MFSD8: variants seen among roughly 807,000 people sequenced by gnomAD.
MFSD8 encodes the protein major facilitator superfamily domain containing 8, also known as major facilitator superfamily domain-containing protein 8.
In MFSD8, 55 loss-of-function variants were observed where a neutral mutation model predicts 66.4. The ratio of observed to expected loss-of-function variants is 0.83; its 90% CI spans 0.67 to 1.04. The LOEUF is 1.04. Ranked by LOEUF, MFSD8 falls within the 50% of genes least tolerant of loss-of-function variation. The probability of loss-of-function intolerance (pLI) is 0.00; values close to 1 mark genes in which losing one functional copy is unlikely to be tolerated. For synonymous variants in MFSD8, 202 were observed against 212.8 expected (o/e 0.95, Z 0.44); for missense variants, 550 against 627.6 (o/e 0.88, Z 1.32).
chr4:127,929,148 G>A (rs1423947265), intron 9 of MFSD8, among the ~76,000 whole-genome samples: 4 of 150,562 alleles, frequency 2.7e-5, no homozygotes, highest in East Asian at 1.9e-4. Flanking sequence ...GGTGAAATCC[G>A]TCTGTACTAA....
chr4:127,954,649 A>G (rs1413856208), intron 2 of MFSD8, among the ~76,000 whole-genome samples: 4 of 152,232 alleles, frequency 2.6e-5, no homozygotes, highest in African/African-American at 9.6e-5. Flanking sequence ...GGACTACATC[A>G]GTATTTAACA....
At chr4:127,954,149 T>C (rs1460819365) in intron 2 of MFSD8, among the ~76,000 whole-genome samples, 1 of 152,216 alleles carries the variant, frequency 6.6e-6, no homozygotes, top group Non-Finnish European at 1.5e-5. Context: ...AACATGGTTA[T>C]AGATGTTTAA....
upstream of MFSD8, chr4:127,965,245 G>T: frequency 1.5e-6 from 2 of 1,347,564 alleles, no homozygotes; most frequent in Non-Finnish European, 2.1e-6. Context: ...GTGCGCACCT[G>T]ACGGTCAGAC....
intron 9 of MFSD8, among the ~76,000 whole-genome samples, chr4:127,923,202 T>C (rs893655547): frequency 1.3e-5 from 2 of 152,194 alleles, no homozygotes; most frequent in African/African-American, 2.4e-5. Context: ...CCTTGTCTTG[T>C]GCCGGTTTTC....
chr4:127,925,068 T>G (rs1179424690), intron 9 of MFSD8, among the ~76,000 whole-genome samples: 1 of 152,154 alleles, frequency 6.6e-6, no homozygotes, highest in Non-Finnish European at 1.5e-5. Context: ...GGCCCCTTCT[T>G]TATACCTTAT....
chr4:127,937,000 A>G (rs1189870704), intron 7 of MFSD8, among the ~76,000 whole-genome samples: 1 of 152,180 alleles, frequency 6.6e-6, no homozygotes, highest in Non-Finnish European at 1.5e-5. Context: ...TTACCTTTGA[A>G]AAAAGGAGTT....
intron 1 of MFSD8, among the ~76,000 whole-genome samples, chr4:127,962,692 A>C (rs1743999165): frequency 6.6e-6 from 1 of 152,120 alleles, no homozygotes; most frequent in African/African-American, 2.4e-5. Flanking sequence ...AAAGTATAGC[A>C]GTGTAAAATA....
intron 2 of MFSD8, among the ~76,000 whole-genome samples, chr4:127,951,578 C>T (rs1467993539): frequency 6.6e-6 from 1 of 152,080 alleles, no homozygotes; most frequent in Non-Finnish European, 1.5e-5. Context: ...AACTCTATAC[C>T]CTTCAGCTAT....
intron 4 of MFSD8, among the ~76,000 whole-genome samples, chr4:127,942,899 T>C (rs1740434617): frequency 1.3e-5 from 2 of 152,190 alleles, no homozygotes; most frequent in Admixed American, 6.5e-5. Context: ...AGGATATTTT[T>C]AAAGTATCAT....
chr4:127,954,942 C>A (rs1170041288), intron 2 of MFSD8, among the ~76,000 whole-genome samples: 1 of 152,146 alleles, frequency 6.6e-6, no homozygotes, highest in Non-Finnish European at 1.5e-5. Flanking sequence ...ACCATCTCAT[C>A]CACTAGGATG....
At chr4:127,946,760 C>CA (rs1741095723) in intron 3 of MFSD8, among the ~76,000 whole-genome samples, 2 of 151,822 alleles carry the variant, frequency 1.3e-5, no homozygotes, top group South Asian at 2.1e-4. Context: ...ACTAAAAATA[C>CA]AAAAATTAGC....
chr4:127,946,147 A>C (rs551472909), intron 3 of MFSD8, among the ~76,000 whole-genome samples: 33 of 151,598 alleles, frequency 2.2e-4, no homozygotes, highest in South Asian at 1.7e-3. Context: ...CTGGTCTTGA[A>C]CTCTTGGGCT....
At chr4:127,934,571 G>GTT (rs1738709309) in intron 7 of MFSD8, 2 of 142,686 alleles carry the variant, frequency 1.4e-5, no homozygotes, top group Non-Finnish European at 3.0e-5. Context: ...AATAAGCCAG[G>GTT]TATTTTTTTT....
intron 1 of MFSD8, among the ~76,000 whole-genome samples, chr4:127,958,370 C>A (rs1299148461): frequency 6.6e-6 from 1 of 152,066 alleles, no homozygotes; most frequent in Non-Finnish European, 1.5e-5. Flanking sequence ...TCAAGACATG[C>A]AGAACAGACA....
Position 127,942,096 on chromosome 4 carries a change from A to T in MFSD8, c.502T>A (p.Ser168Thr). 1 of 1,614,098 alleles carries T rather than the reference A, an allele frequency of 6.2e-7. No individual in the cohort carries two copies. Among genetic ancestry groups the T allele is most frequent in the African/African-American group, 1.3e-5 (1 of 75,052 alleles). Residue 168 changes from serine (S) to threonine (T), a missense_variant, in exon 5 of 12, where the codon TCC becomes ACC. Transcript: ENST00000641686. Reference protein sequence around the residue: ...GATSLQERTSSMANISMCQAL... With the variant: ...GATSLQERTSTMANISMCQAL... Reference sequence around the variant, plus strand: ...TGACACATGCTTATGTTTGCCATGGAACTTGTTCTTTCCTGAAGGGAAGTA... The same window carrying T: ...TGACACATGCTTATGTTTGCCATGGTACTTGTTCTTTCCTGAAGGGAAGTA...
At chr4:127,935,161 C>CT (rs1376849224) in intron 7 of MFSD8, among the ~76,000 whole-genome samples, 1 of 152,186 alleles carries the variant, frequency 6.6e-6, no homozygotes, top group African/African-American at 2.4e-5. Flanking sequence ...AACTGGCCAC[C>CT]TTTGTCCAGA....
chr4:127,964,979 G>C, intron 1 of MFSD8, 93 bp downstream of exon 1: 1 of 1,457,654 alleles, frequency 6.9e-7, no homozygotes, highest in Non-Finnish European at 9.4e-7. Context: ...CCCTCTGGCA[G>C]CGAGGGTTTG....
intron 1 of MFSD8, among the ~76,000 whole-genome samples, chr4:127,962,337 C>T (rs1348500647): frequency 6.6e-6 from 1 of 151,974 alleles, no homozygotes; most frequent in Non-Finnish European, 1.5e-5. Context: ...TCTGGTGGCC[C>T]ACGTCTGTTA....
intron 1 of MFSD8, among the ~76,000 whole-genome samples, chr4:127,960,237 A>G (rs1339768002): frequency 6.6e-6 from 1 of 152,242 alleles, no homozygotes; most frequent in African/African-American, 2.4e-5. Flanking sequence ...GTTAGATAAA[A>G]TTTAACAACG....
Sources: allele counts gnomAD v4.1 joint callset (sites outside exome capture counted in the v4.1 genomes callset), GRCh38; gene constraint gnomAD v4.1.1; transcripts MANE v1.5; gene names NCBI Gene and HGNC (gene_info 2026-07-23, HGNC 2026-07-21).